LUZP2: variants seen among roughly 807,000 people sequenced by gnomAD.
LUZP2 encodes the protein leucine zipper protein 2.
Under a neutral mutation model 51.6 loss-of-function variants are expected in LUZP2, and 52 were observed. The ratio of observed to expected loss-of-function variants is 1.01; its 90% CI spans 0.81 to 1.27. The LOEUF is 1.27. Among genes scored for constraint, LUZP2 ranks in the 50% most tolerant of loss-of-function variants. The pLI is 0.00. For missense variants in LUZP2, 436 were observed against 395.4 expected (o/e 1.10, Z -0.87); for synonymous variants, 154 against 137.3 (o/e 1.12, Z -0.85).
intron 9 of LUZP2, among the ~76,000 whole-genome samples, chr11:25,010,513 A>C (rs1258570117): frequency 6.6e-6 from 1 of 151,834 alleles, no homozygotes; most frequent in Non-Finnish European, 1.5e-5. Context: ...ACACCAATGC[A>C]CTCCAACCTG....
intron 9 of LUZP2, among the ~76,000 whole-genome samples, chr11:25,005,713 GT>G (rs1310992568): frequency 6.6e-6 from 1 of 152,154 alleles, no homozygotes; most frequent in Non-Finnish European, 1.5e-5. Flanking sequence ...AGAAACACTA[GT>G]TTTCCTCCTA....
intron 5 of LUZP2, among the ~76,000 whole-genome samples, chr11:24,814,919 G>C (rs1850130304): frequency 6.6e-6 from 1 of 151,832 alleles, no homozygotes; most frequent in Non-Finnish European, 1.5e-5. Context: ...ATGAACCCGG[G>C]AGGTGGAGCT....
intron 5 of LUZP2, among the ~76,000 whole-genome samples, chr11:24,790,975 A>G (rs1409104920): frequency 1.3e-5 from 2 of 152,012 alleles, no homozygotes; most frequent in African/African-American, 2.4e-5. Context: ...TACTTTTCCT[A>G]TGTGTATATT....
intron 7 of LUZP2, among the ~76,000 whole-genome samples, chr11:24,917,926 A>G (rs1276605971): frequency 6.6e-6 from 1 of 152,128 alleles, no homozygotes; most frequent in South Asian, 2.1e-4. Context: ...TACCTTGGGC[A>G]GTATGGCCAT....
chr11:24,623,362 A>G (rs987135628), intron 1 of LUZP2, among the ~76,000 whole-genome samples: 1 of 152,210 alleles, frequency 6.6e-6, no homozygotes, highest in African/African-American at 2.4e-5. Context: ...TTACCTACTC[A>G]TAGTAAAAGT....
At chr11:24,788,664 C>T (rs1043445436) in intron 5 of LUZP2, among the ~76,000 whole-genome samples, 2 of 151,994 alleles carry the variant, frequency 1.3e-5, no homozygotes, top group Non-Finnish European at 2.9e-5. Flanking sequence ...CATATAAATA[C>T]TATTTATTTT....
intron 4 of LUZP2, among the ~76,000 whole-genome samples, chr11:24,750,842 TAA>T (rs1859552768): frequency 6.6e-6 from 1 of 152,162 alleles, no homozygotes; most frequent in Non-Finnish European, 1.5e-5. Context: ...AAGAAAAAGA[TAA>T]GTGACATATA....
At chr11:24,677,949 A>G (rs920332560) in intron 1 of LUZP2, among the ~76,000 whole-genome samples, 28 of 151,706 alleles carry the variant, frequency 1.8e-4, no homozygotes, top group Middle Eastern at 6.9e-3. Flanking sequence ...AGGCAAGAGA[A>G]TGGCGTGAAC....
At chr11:24,601,890 A>ATATATATGTG (rs1170158662) in intron 1 of LUZP2, among the ~76,000 whole-genome samples, 2 of 133,282 alleles carry the variant, frequency 1.5e-5, no homozygotes, top group African/African-American at 6.1e-5. Flanking sequence ...GTATATATGT[A>ATATATATGTG]TATATGTATA....
chr11:24,596,960 T>C (rs1853464114), intron 1 of LUZP2, among the ~76,000 whole-genome samples: 1 of 152,198 alleles, frequency 6.6e-6, no homozygotes, highest in Non-Finnish European at 1.5e-5. Flanking sequence ...TTATGTCCAG[T>C]TGGTCTATGT....
intron 1 of LUZP2, among the ~76,000 whole-genome samples, chr11:24,725,620 A>C (rs561285615): frequency 1.1e-4 from 16 of 152,232 alleles, no homozygotes; most frequent in African/African-American, 3.8e-4. Flanking sequence ...GTAAATACCA[A>C]TAAGAGGTAT....
chr11:24,765,044 A>T (rs1860129559), intron 5 of LUZP2, among the ~76,000 whole-genome samples: 1 of 152,214 alleles, frequency 6.6e-6, no homozygotes, highest in African/African-American at 2.4e-5. Flanking sequence ...AGAACATATG[A>T]AATGAAAATT....
intron 9 of LUZP2, among the ~76,000 whole-genome samples, chr11:25,004,598 G>A (rs1856782707): frequency 6.6e-6 from 1 of 152,180 alleles, no homozygotes; most frequent in Non-Finnish European, 1.5e-5. Flanking sequence ...AGTGATTAGG[G>A]TGATAGGGGA....
intron 5 of LUZP2, among the ~76,000 whole-genome samples, chr11:24,854,501 G>A (rs1851492878): frequency 6.6e-6 from 1 of 152,182 alleles, no homozygotes; most frequent in African/African-American, 2.4e-5. Flanking sequence ...GTTGTCTTCA[G>A]ACTGTTGTGC....
At chr11:24,607,593 A>T (rs1853971480) in intron 1 of LUZP2, among the ~76,000 whole-genome samples, 1 of 151,832 alleles carries the variant, frequency 6.6e-6, no homozygotes, top group Non-Finnish European at 1.5e-5. Flanking sequence ...TTCGACTGTT[A>T]TTCTTGTTAA....
At chr11:24,552,391 T>C (rs1349948137) in intron 1 of LUZP2, among the ~76,000 whole-genome samples, 1 of 152,008 alleles carries the variant, frequency 6.6e-6, no homozygotes, top group Non-Finnish European at 1.5e-5. Flanking sequence ...CAAAACATTA[T>C]AACAAACATT....
At chr11:25,063,205 A>T (rs548512197) in intron 10 of LUZP2, among the ~76,000 whole-genome samples, 3 of 151,862 alleles carry the variant, frequency 2.0e-5, no homozygotes, top group Non-Finnish European at 1.5e-5. Flanking sequence ...TAGGTGCCAT[A>T]ATTAATCTAG....
chr11:24,906,116 T>G, intron 6 of LUZP2, 63 bp downstream of exon 6: 1 of 1,237,296 alleles, frequency 8.1e-7, no homozygotes, highest in Non-Finnish European at 1.2e-6. Flanking sequence ...GTCAGATTTT[T>G]GTTCAACTCA....
At chr11:25,008,192 T>C (rs759522004) in intron 9 of LUZP2, among the ~76,000 whole-genome samples, 243 of 152,330 alleles carry the variant, frequency 1.6e-3, no homozygotes, top group Non-Finnish European at 2.3e-3. Context: ...CTGGCCTGGA[T>C]TCTGCATGTC....
Sources: allele counts gnomAD v4.1 joint callset (sites outside exome capture counted in the v4.1 genomes callset), GRCh38; gene constraint gnomAD v4.1.1; transcripts MANE v1.5; gene names NCBI Gene and HGNC (gene_info 2026-07-23, HGNC 2026-07-21).